The following NRXN1 variants were observed in gnomAD, a reference collection of about 807,000 sequenced individuals.
NRXN1 encodes neurexin 1, also known as neurexin-1.
A neutral mutation model predicts 150.9 loss-of-function variants in NRXN1; 39 were observed. That is an observed-to-expected ratio of 0.26 (90% CI 0.20 to 0.34). The LOEUF is 0.34. NRXN1 is among the 10% of genes least tolerant of loss of function. The pLI is 1.00. For missense variants in NRXN1, 1,815 were observed against 1,949.9 expected (o/e 0.93, Z 1.30); for synonymous variants, 924 against 757.0 (o/e 1.22, Z -3.62).
intron 17 of NRXN1, among the ~76,000 whole-genome samples, chr2:50,408,873 CTCAT>C (rs1354412865): frequency 1.3e-5 from 2 of 150,942 alleles, no homozygotes; most frequent in Non-Finnish European, 3.0e-5. Flanking sequence ...CTCTCTCTCT[CTCAT>C]ATTTATATGC....
chr2:50,121,236 T>A (rs559290155), intron 18 of NRXN1, among the ~76,000 whole-genome samples: 12 of 152,282 alleles, frequency 7.9e-5, no homozygotes, highest in Admixed American at 5.2e-4. Context: ...TTGGCCAGGC[T>A]GGTCTCGAAC....
intron 5 of NRXN1, among the ~76,000 whole-genome samples, chr2:50,813,606 G>C (rs2105780063): frequency 6.6e-6 from 1 of 152,140 alleles, no homozygotes. Flanking sequence ...TAATACTCAG[G>C]TTACACAAAA....
At chr2:50,576,681 G>A (rs1418931151) in intron 8 of NRXN1, among the ~76,000 whole-genome samples, 1 of 152,024 alleles carries the variant, frequency 6.6e-6, no homozygotes, top group Non-Finnish European at 1.5e-5. Flanking sequence ...TAAAATAGAT[G>A]TAAGACTTGC....
rs566741316 is a variant in NRXN1, at chr2:50,066,371, T to C, written c.3719-11327A>G. ...GTTCAAGATAATAGATAATGAGACA[T>C]AAGTACGCAATTAACCACCATGTGA... On this transcript the variant is annotated intron_variant, in intron 19 of 22. Transcript: ENST00000401669. Among the ~76,000 whole-genome samples, 4 of 152,246 alleles carry C rather than the reference T, an allele frequency of 2.6e-5. No homozygotes were observed. The East Asian group carries it at 5.8e-4, about 22-fold the overall frequency.
chr2:50,755,726 C>A (rs1432488166), intron 5 of NRXN1, among the ~76,000 whole-genome samples: 1 of 151,834 alleles, frequency 6.6e-6, no homozygotes, highest in Non-Finnish European at 1.5e-5. Flanking sequence ...TCACACTTTA[C>A]ATTTAAACTA....
chr2:50,656,250 C>A, intron 5 of NRXN1: 1 of 613,292 alleles, frequency 1.6e-6, no homozygotes, highest in Non-Finnish European at 3.0e-6. Context: ...CTAATCATGC[C>A]CCTTCTTGGC....
intron 5 of NRXN1, among the ~76,000 whole-genome samples, chr2:50,820,056 C>G (rs1669497820): frequency 6.6e-6 from 1 of 151,958 alleles, no homozygotes; most frequent in Admixed American, 6.6e-5. Flanking sequence ...ATGGACTAAC[C>G]AGGACTCATG....
chr2:50,366,215 G>A (rs1220639142), intron 17 of NRXN1, among the ~76,000 whole-genome samples: 2 of 147,012 alleles, frequency 1.4e-5, no homozygotes, highest in African/African-American at 5.1e-5. Flanking sequence ...TGCAACGTAT[G>A]TTGAGATTTC....
At chr2:50,219,922 C>G (rs57009419) in intron 18 of NRXN1, among the ~76,000 whole-genome samples, 2 of 87,938 alleles carry the variant, frequency 2.3e-5, no homozygotes, top group African/African-American at 1.2e-4. Context: ...AAATCTCTCT[C>G]TATATTATAT....
At position 49,928,454 on chromosome 2, in the gene NRXN1, T is replaced by C. The variant is rs539627950; in HGVS notation, c.4217-6203A>G. Among the ~76,000 whole-genome samples the C allele has an allele frequency of 4.3e-4, 66 of 152,250 alleles. No individual in the cohort carries two copies. In the South Asian group the frequency reaches 0.013, roughly 31 times the overall value. On this transcript the variant is annotated intron_variant, in intron 22 of 22. Coordinates refer to ENST00000401669, the MANE Select transcript of NRXN1 (RefSeq NM_001330078.2). ...AGTTCTATACTGTGTCTAATAGATG[T>C]GGAAGTTATTATAATTCTAGGCTAG... is the stretch of plus-strand genomic sequence containing the variant.
chr2:50,091,800 C>G (rs189416791), intron 18 of NRXN1, among the ~76,000 whole-genome samples: 2 of 152,312 alleles, frequency 1.3e-5, no homozygotes, highest in African/African-American at 4.8e-5. Flanking sequence ...CTTTTGTGTA[C>G]TTTAACACAA....
intron 8 of NRXN1, among the ~76,000 whole-genome samples, chr2:50,553,643 T>G (rs559025590): frequency 6.6e-6 from 1 of 152,374 alleles, no homozygotes; most frequent in African/African-American, 2.4e-5. Context: ...TACCTTTGAA[T>G]ACTGTTAAGT....
At chr2:49,948,081 C>G (rs563124420) in intron 21 of NRXN1, among the ~76,000 whole-genome samples, 2 of 152,008 alleles carry the variant, frequency 1.3e-5, no homozygotes, top group South Asian at 4.1e-4. Flanking sequence ...GAACTAAGTA[C>G]CATCTTTTAC....
intron 21 of NRXN1, among the ~76,000 whole-genome samples, chr2:50,035,355 C>G (rs1339790572): frequency 6.6e-6 from 1 of 152,028 alleles, no homozygotes; most frequent in Non-Finnish European, 1.5e-5. Flanking sequence ...TACCCACTTA[C>G]TGAAAAGGTA....
chr2:50,151,356 C>T lies in NRXN1; in HGVS notation c.3547-59862G>A, dbSNP rs556327326. On this transcript the variant is annotated intron_variant, in intron 18 of 22. Coordinates refer to ENST00000401669, the MANE Select transcript of NRXN1 (RefSeq NM_001330078.2). Reference sequence around the variant, plus strand: ...TAAAACACACTGTCAAAGACAGTTACATTTCAGACTCTTCAAAAAAAAATC... The same window carrying T: ...TAAAACACACTGTCAAAGACAGTTATATTTCAGACTCTTCAAAAAAAAATC... Among the ~76,000 whole-genome samples the T allele has an allele frequency of 5.0e-4, 76 of 150,572 alleles. 2 individuals carry two copies. The highest frequency in any genetic ancestry group is 1.6e-3 in the African/African-American group (64 of 41,100).
chr2:49,971,422 T>G (rs891259732), intron 21 of NRXN1, among the ~76,000 whole-genome samples: 1 of 152,202 alleles, frequency 6.6e-6, no homozygotes, highest in Non-Finnish European at 1.5e-5. Context: ...AGAAGTTTGC[T>G]TGGCAGTTGA....
In NRXN1 at chr2:50,595,956, C is replaced by G. The variant is rs548667083; in HGVS notation, c.1320+24066G>C. 6.6e-5 allele frequency among the ~76,000 whole-genome samples: 10 copies of G among 152,312 alleles called. No homozygotes were observed. In the South Asian group the frequency reaches 1.7e-3, roughly 25 times the overall value. On this transcript the variant is annotated intron_variant, in intron 8 of 22. Coordinates refer to ENST00000401669, the MANE Select transcript of NRXN1 (RefSeq NM_001330078.2). ...TTCCATCAGTTTCAACTTCTCTCTC[C>G]TAATGGCTTCCCAACAATGTCTTGG...
Position 50,495,930 on chromosome 2 carries a change from G to A in NRXN1, c.3045C>T (p.Ala1015=), listed in dbSNP as rs56402642. Residue 1015 remains alanine, a synonymous_variant, in exon 15 of 23, where the codon GCC becomes GCT. Coordinates refer to ENST00000401669, the MANE Select transcript of NRXN1 (RefSeq NM_001330078.2). ...IDTKITTQIT[A]GARNLDLKSD... Reference sequence around the variant, plus strand: ...TCTTGAGGTCTAAGTTCCTGGCTCCGGCGGTGATTTGCGTTGTGATTTTTG... The same window carrying A: ...TCTTGAGGTCTAAGTTCCTGGCTCCAGCGGTGATTTGCGTTGTGATTTTTG... The A allele has an allele frequency of 1.6e-3, 2,540 of 1,608,268 alleles. 3 individuals carry two copies. Among genetic ancestry groups the A allele is most frequent in the Non-Finnish European group, 1.8e-3 (2,149 of 1,176,588 alleles).
chr2:50,954,282 A>C (rs1265963395), intron 2 of NRXN1, among the ~76,000 whole-genome samples: 1 of 152,336 alleles, frequency 6.6e-6, no homozygotes, highest in East Asian at 1.9e-4. Context: ...CTTTAATACA[A>C]TTATTTTAAA....
Sources: allele counts gnomAD v4.1 joint callset (sites outside exome capture counted in the v4.1 genomes callset), GRCh38; gene constraint gnomAD v4.1.1; transcripts MANE v1.5; gene names NCBI Gene and HGNC (gene_info 2026-07-23, HGNC 2026-07-21).